The following FHIT variants were observed in gnomAD, a reference collection of about 807,000 sequenced individuals.
FHIT encodes the protein bis(5'-adenosyl)-triphosphatase.
A neutral mutation model predicts 17.9 loss-of-function variants in FHIT; 19 were observed. That is an observed-to-expected ratio of 1.06 (90% CI 0.74 to 1.56). The LOEUF (loss-of-function observed/expected upper bound fraction) is 1.56, where lower values mean the gene tolerates loss of function less well. Among genes scored for constraint, FHIT ranks in the 40% most tolerant of loss-of-function variants. The pLI is 0.00. For synonymous variants in FHIT, 81 were observed against 69.7 expected (o/e 1.16, Z -0.81); for missense variants, 248 against 189.2 (o/e 1.31, Z -1.82).
At chr3:60,662,857 T>C (rs976475877) in intron 4 of FHIT, among the ~76,000 whole-genome samples, 3 of 151,948 alleles carry the variant, frequency 2.0e-5, no homozygotes, top group Admixed American at 2.0e-4. Flanking sequence ...TTTTTTAAAA[T>C]TGTTATTATT....
chr3:60,631,554 A>G (rs1164025699), intron 4 of FHIT, among the ~76,000 whole-genome samples: 2 of 152,182 alleles, frequency 1.3e-5, no homozygotes, highest in Non-Finnish European at 2.9e-5. Context: ...AACAAGAGGA[A>G]AAAAATTAAC....
intron 3 of FHIT, chr3:60,912,759 A>C (rs781870947): frequency 1.9e-6 from 1 of 516,994 alleles, no homozygotes; most frequent in Non-Finnish European, 3.9e-6. Context: ...ACCTTCTCAC[A>C]ATTTGCAGAA....
Position 60,849,432 on chromosome 3 carries a change from C to T in FHIT, c.-110-27421G>A, listed in dbSNP as rs193182899. 3.4e-3 allele frequency among the ~76,000 whole-genome samples: 334 copies of T among 98,128 alleles called. 2 individuals carry two copies. The highest frequency in any genetic ancestry group is 0.031 in the Middle Eastern group (6 of 194). 64.4% of individuals were successfully genotyped at this position (98,128 alleles called of 152,430 possible). ...TTTCCCTACAGGACTTTTGTTAATACAAAAATGAAATATATATATATATAT... is the reference window on the plus strand; with the variant it reads ...TTTCCCTACAGGACTTTTGTTAATATAAAAATGAAATATATATATATATAT... On this transcript the variant is annotated intron_variant, in intron 3 of 9. Coordinates refer to ENST00000492590, the MANE Select transcript of FHIT (RefSeq NM_002012.4).
chr3:61,179,749 C>T (rs1443650315), intron 2 of FHIT, among the ~76,000 whole-genome samples: 2 of 128,914 alleles, frequency 1.6e-5, no homozygotes, highest in Admixed American at 1.5e-4. Flanking sequence ...CAAAAACACA[C>T]ACAAATTCAA....
At chr3:60,674,745 C>A (rs2040582918) in intron 4 of FHIT, among the ~76,000 whole-genome samples, 1 of 152,126 alleles carries the variant, frequency 6.6e-6, no homozygotes, top group South Asian at 2.1e-4. Flanking sequence ...CAACGTCTCC[C>A]ATCTCTGGGC....
chr3:60,320,079 T>C (rs986217662), intron 5 of FHIT, among the ~76,000 whole-genome samples: 3 of 152,166 alleles, frequency 2.0e-5, no homozygotes, highest in Non-Finnish European at 4.4e-5. Flanking sequence ...TGAGTTTCTT[T>C]AGGCACCATC....
intron 5 of FHIT, among the ~76,000 whole-genome samples, chr3:60,126,138 A>G (rs550844306): frequency 5.3e-5 from 8 of 152,178 alleles, no homozygotes; most frequent in Non-Finnish European, 1.0e-4. Flanking sequence ...CAAGGCCCCA[A>G]TCACAGAGAT....
Position 59,755,570 on chromosome 3 carries a change from G to A in FHIT, c.349-3249C>T, listed in dbSNP as rs145875911. 3.3e-5 allele frequency among the ~76,000 whole-genome samples: 5 copies of A among 152,280 alleles called. No homozygotes were observed. In the East Asian group the frequency reaches 9.7e-4, roughly 29 times the overall value. On this transcript the variant is annotated intron_variant, in intron 8 of 9. Coordinates refer to ENST00000492590, the MANE Select transcript of FHIT (RefSeq NM_002012.4). ...TCTGATAAGCCTTCTAGATTACTTTGGCTGCCCACAGGGGAGGGCGGTGAC... is the reference window on the plus strand; with the variant it reads ...TCTGATAAGCCTTCTAGATTACTTTAGCTGCCCACAGGGGAGGGCGGTGAC...
chr3:60,005,392 C>T (rs371191584), intron 7 of FHIT, among the ~76,000 whole-genome samples: 1 of 150,932 alleles, frequency 6.6e-6, no homozygotes, highest in African/African-American at 2.4e-5. Context: ...GACAGGCAGG[C>T]CCCCAGCCCC....
intron 5 of FHIT, among the ~76,000 whole-genome samples, chr3:60,522,603 T>C (rs1222437540): frequency 6.6e-6 from 1 of 152,142 alleles, no homozygotes; most frequent in Non-Finnish European, 1.5e-5. Flanking sequence ...GTAGTAGAGA[T>C]GTTGAGTACC....
chr3:59,810,327 A>ATGGGGACAGTATTTCCAGACT (rs1269180755), intron 8 of FHIT, among the ~76,000 whole-genome samples: 4 of 152,198 alleles, frequency 2.6e-5, no homozygotes, highest in Non-Finnish European at 5.9e-5. Context: ...TGAGAGACCA[A>ATGGGGACAGTATTTCCAGACT]TGGGGACAGT....
At chr3:60,789,050 CTG>C (rs1173231366) in intron 4 of FHIT, among the ~76,000 whole-genome samples, 5 of 148,988 alleles carry the variant, frequency 3.4e-5, no homozygotes, top group African/African-American at 7.5e-5. Context: ...AGGCAGAAAA[CTG>C]AGAGTTGAAA....
chr3:59,904,316 T>TAA (rs35782604), intron 8 of FHIT, among the ~76,000 whole-genome samples: 13,824 of 130,362 alleles, frequency 0.11, 873 homozygotes, highest in African/African-American at 0.19. Context: ...GGAAACTAAT[T>TAA]AAAAAAAAAA....
At chr3:60,159,473 T>C (rs1700845881) in intron 5 of FHIT, among the ~76,000 whole-genome samples, 1 of 152,106 alleles carries the variant, frequency 6.6e-6, no homozygotes, top group African/African-American at 2.4e-5. Flanking sequence ...ATACATATCC[T>C]CACAAGCCAA....
chr3:60,800,638 A>C (rs2106658866), intron 4 of FHIT, among the ~76,000 whole-genome samples: 1 of 152,312 alleles, frequency 6.6e-6, no homozygotes, highest in East Asian at 1.9e-4. Flanking sequence ...TTGTACAAGA[A>C]ATTGATTGAA....
At chr3:60,488,033 T>G (rs565017995) in intron 5 of FHIT, among the ~76,000 whole-genome samples, 1 of 152,154 alleles carries the variant, frequency 6.6e-6, no homozygotes, top group African/African-American at 2.4e-5. Flanking sequence ...GTGATCCAAA[T>G]GCAGATGTTC....
intron 2 of FHIT, among the ~76,000 whole-genome samples, chr3:61,144,861 C>G (rs2037183274): frequency 1.3e-5 from 2 of 152,094 alleles, no homozygotes; most frequent in East Asian, 3.8e-4. Context: ...GGGAAAATGC[C>G]TATTCAGATA....
intron 5 of FHIT, among the ~76,000 whole-genome samples, chr3:60,179,502 G>C (rs899367433): frequency 2.0e-5 from 3 of 152,116 alleles, no homozygotes; most frequent in African/African-American, 7.2e-5. Context: ...AACTTGTTCC[G>C]TGACCTTCCC....
intron 2 of FHIT, among the ~76,000 whole-genome samples, chr3:61,167,647 GAAAGA>G (rs1560035727): frequency 1.8e-5 from 2 of 110,636 alleles, no homozygotes; most frequent in East Asian, 2.5e-4. Context: ...AAAAAAAAAA[GAAAGA>G]AAAGAAAAGA....
Sources: gnomAD v4.1 joint callset for allele counts (sites outside exome capture counted in the v4.1 genomes callset) on GRCh38, gnomAD v4.1.1 for gene constraint, MANE v1.5 for transcripts, NCBI Gene and HGNC (gene_info 2026-07-23, HGNC 2026-07-21) for gene names.